Variants in IMMP2L observed in about 807,000 individuals in gnomAD.
The protein encoded by IMMP2L is mitochondrial inner membrane protease subunit 2.
Under a neutral mutation model 19.3 loss-of-function variants are expected in IMMP2L, and 18 were observed. The observed-to-expected ratio is 0.93, with a 90% CI of 0.64 to 1.38. The LOEUF is 1.38. Ranked by LOEUF, IMMP2L falls within the 40% of genes most tolerant of loss-of-function variation. The pLI is 0.00. For missense variants in IMMP2L, 233 were observed against 218.2 expected (o/e 1.07, Z -0.43); for synonymous variants, 76 against 73.0 (o/e 1.04, Z -0.21).
chr7:111,339,793 CTAGT>C (rs1004579278), intron 3 of IMMP2L, among the ~76,000 whole-genome samples: 2 of 151,972 alleles, frequency 1.3e-5, no homozygotes, highest in Non-Finnish European at 2.9e-5. Context: ...TGAAAATTGA[CTAGT>C]TAGCCTTCTG....
intron 5 of IMMP2L, among the ~76,000 whole-genome samples, chr7:110,683,462 T>G (rs1277102308): frequency 6.6e-6 from 1 of 152,140 alleles, no homozygotes; most frequent in Non-Finnish European, 1.5e-5. Context: ...ATATGTATCA[T>G]TTCTGATAAA....
chr7:111,463,872 G>C (rs1840368959), intron 3 of IMMP2L, among the ~76,000 whole-genome samples: 1 of 152,180 alleles, frequency 6.6e-6, no homozygotes, highest in South Asian at 2.1e-4. Flanking sequence ...ATTCTTTAGA[G>C]TATTTACATA....
chr7:111,065,840 A>G (rs1482524586), intron 3 of IMMP2L, among the ~76,000 whole-genome samples: 2 of 150,874 alleles, frequency 1.3e-5, no homozygotes, highest in East Asian at 3.9e-4. Flanking sequence ...TACTTAATAA[A>G]CTCCCTTTTA....
At chr7:110,778,681 T>C (rs571725401) in intron 5 of IMMP2L, among the ~76,000 whole-genome samples, 2 of 152,114 alleles carry the variant, frequency 1.3e-5, no homozygotes, top group South Asian at 4.1e-4. Context: ...ACCAAAGAAA[T>C]TACATTTTAA....
chr7:110,718,479 T>A (rs986093956), intron 5 of IMMP2L, among the ~76,000 whole-genome samples: 5 of 152,182 alleles, frequency 3.3e-5, no homozygotes, highest in African/African-American at 9.6e-5. Context: ...TTTTCTTCGG[T>A]GGCATTCAGT....
At chr7:111,347,143 CT>C (rs1225726339) in intron 3 of IMMP2L, among the ~76,000 whole-genome samples, 1 of 152,014 alleles carries the variant, frequency 6.6e-6, no homozygotes. Flanking sequence ...GGCAGAAAGG[CT>C]GGCTTGAGGA....
At chr7:111,301,544 T>C (rs1359572608) in intron 3 of IMMP2L, among the ~76,000 whole-genome samples, 1 of 152,136 alleles carries the variant, frequency 6.6e-6, no homozygotes, top group African/African-American at 2.4e-5. Context: ...CCCTAGATCC[T>C]AAAGATTTTA....
chr7:111,094,919 T>C (rs1197627721), intron 3 of IMMP2L, among the ~76,000 whole-genome samples: 6 of 152,222 alleles, frequency 3.9e-5, no homozygotes, highest in Middle Eastern at 3.4e-3. Context: ...ATAGATGCTA[T>C]TTAGAGGTCA....
intron 3 of IMMP2L, among the ~76,000 whole-genome samples, chr7:111,079,012 G>A (rs1444409891): frequency 1.3e-5 from 2 of 151,926 alleles, no homozygotes; most frequent in African/African-American, 4.8e-5. Context: ...TTACATTGTG[G>A]TATTTTTTAA....
intron 5 of IMMP2L, among the ~76,000 whole-genome samples, chr7:110,686,182 G>C (rs1793097125): frequency 6.6e-6 from 1 of 152,002 alleles, no homozygotes; most frequent in Admixed American, 6.6e-5. Context: ...TAACCCTGCT[G>C]ATCAGTACCT....
chr7:110,912,041 C>T (rs1813115017), intron 4 of IMMP2L, among the ~76,000 whole-genome samples: 1 of 152,026 alleles, frequency 6.6e-6, no homozygotes, highest in Non-Finnish European at 1.5e-5. Context: ...AGGTGTCTGT[C>T]TTGCCTTAAG....
intron 3 of IMMP2L, among the ~76,000 whole-genome samples, chr7:111,268,951 G>A (rs1818147504): frequency 6.6e-6 from 1 of 151,934 alleles, no homozygotes; most frequent in Non-Finnish European, 1.5e-5. Flanking sequence ...TGGTAAATTG[G>A]AGGCATCTGC....
intron 3 of IMMP2L, among the ~76,000 whole-genome samples, chr7:110,997,565 G>C (rs1474226338): frequency 6.6e-6 from 1 of 152,220 alleles, no homozygotes; most frequent in East Asian, 1.9e-4. Context: ...TCTAATAGCT[G>C]TGTAGTGATA....
At chr7:111,372,729 T>C (rs905169488) in intron 3 of IMMP2L, among the ~76,000 whole-genome samples, 6 of 151,990 alleles carry the variant, frequency 3.9e-5, no homozygotes, top group Non-Finnish European at 8.8e-5. Context: ...TCCCTCCTAG[T>C]CTACCCAAAA....
intron 3 of IMMP2L, among the ~76,000 whole-genome samples, chr7:111,479,359 C>A (rs1307280690): frequency 6.6e-6 from 1 of 152,138 alleles, no homozygotes; most frequent in Non-Finnish European, 1.5e-5. Flanking sequence ...TCATTATTCA[C>A]AGTGTAGGCC....
At chr7:111,303,523 T>C (rs1822494085) in intron 3 of IMMP2L, among the ~76,000 whole-genome samples, 1 of 152,106 alleles carries the variant, frequency 6.6e-6, no homozygotes, top group Non-Finnish European at 1.5e-5. Context: ...ATCATGACTA[T>C]GCAAAGTTAG....
intron 3 of IMMP2L, among the ~76,000 whole-genome samples, chr7:111,441,242 TACCTTTCAGC>T (rs1837682969): frequency 6.6e-6 from 1 of 151,968 alleles, no homozygotes; most frequent in East Asian, 1.9e-4. Context: ...ACAAGAGGCC[TACCTTTCAGC>T]CTATCTAGGC....
intron 3 of IMMP2L, among the ~76,000 whole-genome samples, chr7:111,001,145 T>C (rs1466073050): frequency 6.6e-6 from 1 of 152,200 alleles, no homozygotes; most frequent in African/African-American, 2.4e-5. Flanking sequence ...GTGTAAGGAC[T>C]CTAATGTCAC....
chr7:111,107,980 G>T (rs1798739368), intron 3 of IMMP2L, among the ~76,000 whole-genome samples: 1 of 152,068 alleles, frequency 6.6e-6, no homozygotes, highest in African/African-American at 2.4e-5. Flanking sequence ...AGCAGATATT[G>T]TCTTGATTTG....
Sources: gnomAD v4.1 joint callset for allele counts (sites outside exome capture counted in the v4.1 genomes callset) on GRCh38, gnomAD v4.1.1 for gene constraint, MANE v1.5 for transcripts, NCBI Gene and HGNC (gene_info 2026-07-23, HGNC 2026-07-21) for gene names.